The following DNAH7 variants were observed in gnomAD, a reference collection of about 807,000 sequenced individuals.
The protein encoded by DNAH7 is axonemal beta dynein heavy chain 7.
Under a neutral mutation model 444.6 loss-of-function variants are expected in DNAH7, and 397 were observed. That is an observed-to-expected ratio of 0.89 (90% CI 0.82 to 0.97). The LOEUF is 0.97. Ranked by LOEUF, DNAH7 falls within the 50% of genes least tolerant of loss-of-function variation. DNAH7 has a pLI of 0.00. For synonymous variants in DNAH7, 1,636 were observed against 1,624.4 expected, an observed-to-expected ratio of 1.01 and a Z score of -0.17; for missense variants, 4,902 against 4,800.8, an observed-to-expected ratio of 1.02 and a Z score of -0.62.
chr2:195,801,467 G>C (rs977786444), intron 54 of DNAH7, among the ~76,000 whole-genome samples: 1 of 152,068 alleles, frequency 6.6e-6, no homozygotes, highest in African/African-American at 2.4e-5. Context: ...AGTTTCAGAA[G>C]AGAACAGCGA....
intron 10 of DNAH7, among the ~76,000 whole-genome samples, chr2:196,005,635 G>A (rs1436269347): frequency 6.6e-6 from 1 of 151,776 alleles, no homozygotes; most frequent in East Asian, 1.9e-4. Context: ...ATTCTATGAA[G>A]ACAAAAACTA....
At chr2:195,820,429 C>T (rs1031031176) in intron 49 of DNAH7, among the ~76,000 whole-genome samples, 2 of 150,694 alleles carry the variant, frequency 1.3e-5, no homozygotes, top group African/African-American at 4.9e-5. Flanking sequence ...AACCTGCACG[C>T]TCTGCACATG....
chr2:195,920,020 C>CA (rs1276471704), intron 24 of DNAH7, among the ~76,000 whole-genome samples: 1 of 152,046 alleles, frequency 6.6e-6, no homozygotes, highest in Non-Finnish European at 1.5e-5. Context: ...TGGATGAGAA[C>CA]ATTCAGAAAA....
intron 33 of DNAH7, among the ~76,000 whole-genome samples, chr2:195,886,852 T>A (rs1429892040): frequency 2.0e-5 from 3 of 152,158 alleles, no homozygotes; most frequent in Non-Finnish European, 4.4e-5. Flanking sequence ...TAGGCGTTTG[T>A]CTTCTCCCCA....
chr2:195,861,692 T>C (rs1700025890), intron 42 of DNAH7, 25 bp downstream of exon 42: 1 of 1,544,746 alleles, frequency 6.5e-7, no homozygotes. Context: ...ATAGCTTACT[T>C]AGAAATATGA....
At chr2:195,813,926 G>A (rs1036393791) in intron 51 of DNAH7, among the ~76,000 whole-genome samples, 5 of 152,182 alleles carry the variant, frequency 3.3e-5, no homozygotes, top group African/African-American at 7.2e-5. Context: ...CAAGCATGAC[G>A]TTGAGTGCAA....
intron 33 of DNAH7, among the ~76,000 whole-genome samples, chr2:195,887,254 C>T (rs1253123862): frequency 6.6e-6 from 1 of 151,916 alleles, no homozygotes; most frequent in African/African-American, 2.4e-5. Flanking sequence ...AATTCTCTGA[C>T]AATGCTGGAA....
intron 54 of DNAH7, among the ~76,000 whole-genome samples, chr2:195,804,008 A>G (rs1289506321): frequency 6.6e-6 from 1 of 151,974 alleles, no homozygotes. Flanking sequence ...AGGGCCTGCT[A>G]TTTGTGGCTT....
chr2:195,790,474 A>G (rs965913603), intron 57 of DNAH7, among the ~76,000 whole-genome samples: 1 of 151,674 alleles, frequency 6.6e-6, no homozygotes, highest in Non-Finnish European at 1.5e-5. Flanking sequence ...TTAAAAAAAA[A>G]AAAAAAAGAA....
At chr2:195,968,336 C>T (rs545666416) in intron 17 of DNAH7, among the ~76,000 whole-genome samples, 1 of 152,032 alleles carries the variant, frequency 6.6e-6, no homozygotes, top group Non-Finnish European at 1.5e-5. Flanking sequence ...ATGAATCCTG[C>T]CAGGATTGTG....
At position 195,777,879 on chromosome 2, in the gene DNAH7, A is replaced by T. The variant is rs753509565; in HGVS notation, c.10985T>A (p.Phe3662Tyr). Residue 3662 changes from phenylalanine (F) to tyrosine (Y), a missense_variant, in exon 59 of 65, where the codon TTC becomes TAC. Transcript: ENST00000312428. Reference protein sequence around the residue: ...RRTLRSILNKFFNPELVENSD... With the variant: ...RRTLRSILNKYFNPELVENSD... ...ATTTTCAACTAATTCGGGATTGAAG[A>T]ATTTGTTTAGAATGCTGCGCAGCGT... 6.2e-7 allele frequency: 1 copy of T among 1,614,192 alleles called. No homozygotes were observed. Among genetic ancestry groups the T allele is most frequent in the Non-Finnish European group, 8.5e-7 (1 of 1,180,014 alleles).
In DNAH7 at chr2:195,876,718, A is replaced by G; in HGVS notation, c.5962-19T>C. 1 of 1,487,946 alleles carries G rather than the reference A, an allele frequency of 6.7e-7. No individual in the cohort carries two copies. Among genetic ancestry groups the G allele is most frequent in the Non-Finnish European group, 9.3e-7 (1 of 1,080,172 alleles). 92.2% of individuals were successfully genotyped at this position (1,487,946 alleles called of 1,614,324 possible). On this transcript the variant is annotated intron_variant, in intron 36 of 64. Transcript: ENST00000312428. ...GAAAATTCTATATAACAAAATAATA[A>G]AATGAGCCATAGTTGGAATTATGTT... is the stretch of plus-strand genomic sequence containing the variant.
chr2:195,844,104 A>C (rs11687910), intron 47 of DNAH7, among the ~76,000 whole-genome samples: 9 of 104,894 alleles, frequency 8.6e-5, no homozygotes, highest in South Asian at 7.7e-4. Flanking sequence ...TCAAAAAAAA[A>C]CAAAAAACCC....
At chr2:195,956,377 A>G (rs1690655461) in intron 19 of DNAH7, among the ~76,000 whole-genome samples, 1 of 152,208 alleles carries the variant, frequency 6.6e-6, no homozygotes, top group Non-Finnish European at 1.5e-5. Flanking sequence ...TCTGCCAGTC[A>G]TGGTGGCTCA....
intron 9 of DNAH7, among the ~76,000 whole-genome samples, chr2:196,013,681 A>C (rs1447973392): frequency 6.6e-6 from 1 of 152,214 alleles, no homozygotes; most frequent in Non-Finnish European, 1.5e-5. Context: ...CATGACATTG[A>C]TAATAATTAG....
intron 40 of DNAH7, among the ~76,000 whole-genome samples, chr2:195,870,327 G>T (rs1444241217): frequency 6.6e-6 from 1 of 152,070 alleles, no homozygotes; most frequent in Admixed American, 6.5e-5. Context: ...ATCAAGGGGG[G>T]TAGGGATGGC....
intron 5 of DNAH7, among the ~76,000 whole-genome samples, chr2:196,040,529 T>G (rs946052525): frequency 6.6e-6 from 1 of 152,102 alleles, no homozygotes; most frequent in Non-Finnish European, 1.5e-5. Flanking sequence ...AACATGCCTT[T>G]GTGAAAAAAC....
chr2:195,768,096 A>G (rs1337102908), intron 61 of DNAH7, among the ~76,000 whole-genome samples: 1 of 150,626 alleles, frequency 6.6e-6, no homozygotes, highest in Non-Finnish European at 1.5e-5. Context: ...TAAAAGTATT[A>G]AGAGATAAAG....
chr2:195,967,826 T>C (rs1281145415), intron 17 of DNAH7, among the ~76,000 whole-genome samples: 1 of 152,208 alleles, frequency 6.6e-6, no homozygotes, highest in Non-Finnish European at 1.5e-5. Context: ...GTAGTCTTCT[T>C]TGGGTTAAAT....
Sources: gnomAD v4.1 joint callset for allele counts (sites outside exome capture counted in the v4.1 genomes callset) on GRCh38, gnomAD v4.1.1 for gene constraint, MANE v1.5 for transcripts, NCBI Gene and HGNC (gene_info 2026-07-23, HGNC 2026-07-21) for gene names.